Variants in GABBR2 observed in about 807,000 individuals in gnomAD.
GABBR2 encodes gamma-aminobutyric acid type B receptor subunit 2.
Under a neutral mutation model 105.6 loss-of-function variants are expected in GABBR2, and 23 were observed. The observed-to-expected ratio is 0.22, with a 90% confidence interval of 0.16 to 0.31. The LOEUF is 0.31. Ranked by LOEUF, GABBR2 falls within the 10% of genes least tolerant of loss-of-function variation. The pLI is 1.00. For synonymous variants in GABBR2, 478 were observed against 499.7 expected (o/e 0.96, Z 0.58); for missense variants, 734 against 1,245.5 (o/e 0.59, Z 6.18).
At chr9:98,543,287 T>A (rs181876470) in intron 2 of GABBR2, among the ~76,000 whole-genome samples, 4 of 151,954 alleles carry the variant, frequency 2.6e-5, no homozygotes, top group Admixed American at 1.3e-4. Flanking sequence ...GTTATCTGGT[T>A]ATAGTTCTAA....
chr9:98,562,412 T>A (rs1206320530), intron 2 of GABBR2, among the ~76,000 whole-genome samples: 2 of 152,230 alleles, frequency 1.3e-5, no homozygotes, highest in Non-Finnish European at 2.9e-5. Flanking sequence ...ATATGGACCA[T>A]ATATTTGGTA....
At chr9:98,418,637 T>A (rs569652113) in intron 7 of GABBR2, among the ~76,000 whole-genome samples, 1 of 151,044 alleles carries the variant, frequency 6.6e-6, no homozygotes, top group East Asian at 1.9e-4. Context: ...GAAGTGGAGG[T>A]GGAATCAACA....
At chr9:98,530,816 A>C (rs1321355132) in intron 3 of GABBR2, among the ~76,000 whole-genome samples, 1 of 152,146 alleles carries the variant, frequency 6.6e-6, no homozygotes. Flanking sequence ...ACCATGCTGA[A>C]TAATTGAACA....
chr9:98,438,521 C>T (rs1306991019), intron 7 of GABBR2, among the ~76,000 whole-genome samples: 2 of 152,152 alleles, frequency 1.3e-5, no homozygotes, highest in African/African-American at 4.8e-5. Context: ...AGATAAATCT[C>T]AGAAAGACCC....
chr9:98,705,166 G>A (rs1158207334), intron 1 of GABBR2, among the ~76,000 whole-genome samples: 2 of 152,146 alleles, frequency 1.3e-5, no homozygotes, highest in Non-Finnish European at 2.9e-5. Context: ...CAGTTGTCTT[G>A]CTTGTTCAAA....
intron 7 of GABBR2, among the ~76,000 whole-genome samples, chr9:98,451,070 TC>T (rs796458020): frequency 1.5e-4 from 23 of 152,238 alleles, no homozygotes; most frequent in African/African-American, 5.3e-4. Flanking sequence ...CCTGGGTGAA[TC>T]CCACCCCTTT....
At chr9:98,493,206 C>T (rs561129467) in intron 4 of GABBR2, among the ~76,000 whole-genome samples, 3 of 152,272 alleles carry the variant, frequency 2.0e-5, no homozygotes, top group Non-Finnish European at 4.4e-5. Context: ...ACTGTACTCC[C>T]TTGATACAGC....
chr9:98,329,132 G>A (rs1394188499), intron 13 of GABBR2, among the ~76,000 whole-genome samples: 1 of 152,204 alleles, frequency 6.6e-6, no homozygotes, highest in African/African-American at 2.4e-5. Context: ...GATGACATAT[G>A]CACTCAGAAA....
At chr9:98,422,470 G>A (rs185129791) in intron 7 of GABBR2, among the ~76,000 whole-genome samples, 1 of 151,620 alleles carries the variant, frequency 6.6e-6, no homozygotes, top group African/African-American at 2.4e-5. Context: ...CTCATAAGTG[G>A]ACATTTAGAA....
At chr9:98,572,674 A>C (rs1828849423) in intron 2 of GABBR2, among the ~76,000 whole-genome samples, 1 of 152,034 alleles carries the variant, frequency 6.6e-6, no homozygotes, top group Non-Finnish European at 1.5e-5. Flanking sequence ...GTTTCCTGAG[A>C]GTGAGAAGGA....
At chr9:98,341,872 G>A (rs950111946) in intron 13 of GABBR2, among the ~76,000 whole-genome samples, 3 of 152,184 alleles carry the variant, frequency 2.0e-5, no homozygotes, top group Non-Finnish European at 2.9e-5. Flanking sequence ...ACATTTCTTC[G>A]AGAAGCCGGC....
intron 1 of GABBR2, among the ~76,000 whole-genome samples, chr9:98,645,910 A>G (rs900005665): frequency 6.6e-6 from 1 of 152,294 alleles, no homozygotes. Flanking sequence ...TACCATTATT[A>G]TTTTCATTTT....
intron 3 of GABBR2, among the ~76,000 whole-genome samples, chr9:98,510,509 C>T (rs1437224260): frequency 6.6e-6 from 1 of 152,128 alleles, no homozygotes; most frequent in Admixed American, 6.5e-5. Context: ...CATCAGTGTG[C>T]TGTATTCAGG....
intron 7 of GABBR2, among the ~76,000 whole-genome samples, chr9:98,437,832 A>G (rs1257032787): frequency 4.7e-5 from 7 of 150,046 alleles, no homozygotes; most frequent in Non-Finnish European, 1.0e-4. Flanking sequence ...ACCCATCTGT[A>G]TCCATCCGCT....
In GABBR2 at chr9:98,331,057, A is replaced by G. The variant is rs371168683; in HGVS notation, c.1894-19852T>C. On this transcript the variant is annotated intron_variant, in intron 13 of 18. Transcript: ENST00000259455. ...GAACATAATGTTTTCAAGGTTCATC[A>G]ACGTTGTAGCATGCGTCAGTACTTC... is the stretch of plus-strand genomic sequence containing the variant. 6.6e-5 allele frequency among the ~76,000 whole-genome samples: 10 copies of G among 152,258 alleles called. No individual in the cohort carries two copies. In the East Asian group the frequency reaches 1.9e-3, roughly 29 times the overall value.
intron 2 of GABBR2, among the ~76,000 whole-genome samples, chr9:98,543,842 A>G (rs1828353036): frequency 6.6e-6 from 1 of 151,496 alleles, no homozygotes; most frequent in South Asian, 2.1e-4. Flanking sequence ...TTGTTTCTTG[A>G]TGTTGTTTAT....
At chr9:98,708,349 G>T (rs1272989736) in intron 1 of GABBR2, 68 bp downstream of exon 1, 3 of 1,279,188 alleles carry the variant, frequency 2.3e-6, no homozygotes, top group Non-Finnish European at 3.0e-6. Flanking sequence ...GCCGGAGGTT[G>T]CCTGTGTCCA....
intron 7 of GABBR2, among the ~76,000 whole-genome samples, chr9:98,427,145 G>C (rs1009144702): frequency 6.6e-6 from 1 of 152,182 alleles, no homozygotes; most frequent in African/African-American, 2.4e-5. Context: ...TGAAGGCTGT[G>C]AGATGTCAGG....
At chr9:98,672,760 A>G (rs545265248) in intron 1 of GABBR2, among the ~76,000 whole-genome samples, 63 of 150,744 alleles carry the variant, frequency 4.2e-4, no homozygotes, top group Non-Finnish European at 7.9e-4. Context: ...TAGACAGTTT[A>G]TCTTTAAAGT....
Sources: gnomAD v4.1 joint callset for allele counts (sites outside exome capture counted in the v4.1 genomes callset) on GRCh38, gnomAD v4.1.1 for gene constraint, MANE v1.5 for transcripts, NCBI Gene and HGNC (gene_info 2026-07-23, HGNC 2026-07-21) for gene names.